The following PTBP3 variants were observed in gnomAD, a reference collection of about 807,000 sequenced individuals.
PTBP3 encodes polypyrimidine tract binding protein 3, also known as polypyrimidine tract-binding protein 3.
PTBP3 carries 20 observed loss-of-function variants against 58.7 expected under a neutral mutation model. That is an observed-to-expected ratio of 0.34 (90% CI 0.24 to 0.50). The LOEUF (loss-of-function observed/expected upper bound fraction) is 0.50, where lower values mean the gene tolerates loss of function less well. Among genes scored for constraint, PTBP3 ranks in the 20% least tolerant of loss-of-function variants. The pLI is 0.98. For missense variants in PTBP3, 509 were observed against 637.2 expected (o/e 0.80, Z 2.17); for synonymous variants, 185 against 219.8 (o/e 0.84, Z 1.40).
chr9:112,375,125 G>A, the PTBP3 span, among the ~76,000 whole-genome samples: 1 of 152,176 alleles, frequency 6.6e-6, no homozygotes, highest in Non-Finnish European at 1.5e-5. Context: ...CACAGAACGA[G>A]TCATCCTATC....
intron 2 of PTBP3, among the ~76,000 whole-genome samples, chr9:112,290,699 T>TACACACACACACAC (rs1221818154): frequency 0.016 from 1,060 of 64,404 alleles, 11 homozygotes; most frequent in East Asian, 0.026. Context: ...TATATATATA[T>TACACACACACACAC]ATATATATAC....
At chr9:112,262,061 A>T (rs1836619904) in intron 5 of PTBP3, among the ~76,000 whole-genome samples, 1 of 152,160 alleles carries the variant, frequency 6.6e-6, no homozygotes, top group African/African-American at 2.4e-5. Flanking sequence ...TCCCTTTAGA[A>T]TTTTTAAATC....
At position 112,268,151 on chromosome 9, in the gene PTBP3, C is replaced by T. The variant is rs1827184283; in HGVS notation, c.249G>A (p.Val83=). The change falls in exon 4 of 14, where the codon GTG becomes GTA. Residue 83 remains valine, a synonymous_variant. Transcript: ENST00000374257. ...MASEEAAVTM[V]NYYTPITPHL... ...GAGGAGTAATAGGAGTGTAATAATT[C>T]ACCATAGTAACGGCAGCTTCCTCAG... The T allele has an allele frequency of 8.7e-6, 14 of 1,612,928 alleles. No homozygotes were observed. Among genetic ancestry groups the T allele is most frequent in the Admixed American group, 5.0e-5 (3 of 59,678 alleles).
the PTBP3 span, among the ~76,000 whole-genome samples, chr9:112,357,668 A>G: frequency 1.3e-5 from 2 of 151,978 alleles, no homozygotes; most frequent in Admixed American, 1.3e-4. Context: ...TGTTCTTTAT[A>G]GCAATTTTTT....
chr9:112,323,104 TA>T (rs1176156614), intron 1 of PTBP3, among the ~76,000 whole-genome samples: 1 of 152,176 alleles, frequency 6.6e-6, no homozygotes, highest in East Asian at 1.9e-4. Context: ...TGTTTAAAAT[TA>T]GCCGGGCATG....
intron 2 of PTBP3, among the ~76,000 whole-genome samples, chr9:112,291,638 T>G (rs1024323838): frequency 6.6e-6 from 1 of 152,192 alleles, no homozygotes; most frequent in Non-Finnish European, 1.5e-5. Context: ...CTTCAACATA[T>G]GGTGCTGGTA....
intron 1 of PTBP3, among the ~76,000 whole-genome samples, chr9:112,327,783 T>C (rs1455466807): frequency 1.4e-5 from 2 of 139,618 alleles, no homozygotes; most frequent in Admixed American, 7.1e-5. Flanking sequence ...CTCACCATAG[T>C]ATATGACTAA....
At chr9:112,273,298 T>G (rs1827467399) in intron 3 of PTBP3, among the ~76,000 whole-genome samples, 1 of 152,252 alleles carries the variant, frequency 6.6e-6, no homozygotes, top group Non-Finnish European at 1.5e-5. Context: ...TTGAAGCCAT[T>G]ATCCACTTGT....
chr9:112,276,513 AAT>A (rs1827617523), intron 2 of PTBP3, among the ~76,000 whole-genome samples: 1 of 152,034 alleles, frequency 6.6e-6, no homozygotes, highest in African/African-American at 2.4e-5. Context: ...CTTGGGTGCT[AAT>A]AGTCTTTATT....
At chr9:112,367,420 TTTTTTG>T in the PTBP3 span, among the ~76,000 whole-genome samples, 9 of 152,272 alleles carry the variant, frequency 5.9e-5, no homozygotes, top group South Asian at 1.9e-3. Context: ...TCCCACAGGT[TTTTTTG>T]TTTGTGTTTT....
chr9:112,309,234 G>T (rs1210813078), intron 1 of PTBP3, among the ~76,000 whole-genome samples: 1 of 151,620 alleles, frequency 6.6e-6, no homozygotes, highest in East Asian at 1.9e-4. Context: ...CTTAAATACT[G>T]AAATATCCAA....
In PTBP3 at chr9:112,262,973, C is replaced by T. The variant is rs186396234; in HGVS notation, c.352-374G>A. ...CCCAAACAAGGGTAGTCAAGACAAA[C>T]TTCTAAATATTCTCCACTAAAAGAG... On this transcript the variant is annotated intron_variant, in intron 4 of 13. Transcript: ENST00000374257. Among the ~76,000 whole-genome samples, 1,059 of 152,254 alleles carry T rather than the reference C, an allele frequency of 7.0e-3. 15 individuals carry two copies. The highest frequency in any genetic ancestry group is 0.011 in the Non-Finnish European group (735 of 68,012).
chr9:112,234,217 AAAT>A (rs1835359220), intron 8 of PTBP3, among the ~76,000 whole-genome samples: 2 of 152,218 alleles, frequency 1.3e-5, no homozygotes, highest in South Asian at 2.1e-4. Flanking sequence ...ACTGTTTTGA[AAAT>A]AATGGGAATC....
chr9:112,255,592 T>C (rs1010417962), intron 5 of PTBP3, among the ~76,000 whole-genome samples: 2 of 152,186 alleles, frequency 1.3e-5, no homozygotes, highest in African/African-American at 4.8e-5. Flanking sequence ...TTTCCCGTAC[T>C]GAAAATCCTT....
intron 1 of PTBP3, among the ~76,000 whole-genome samples, chr9:112,300,782 C>T (rs916331289): frequency 6.6e-6 from 1 of 151,252 alleles, no homozygotes; most frequent in Non-Finnish European, 1.5e-5. Context: ...AAAGAATACA[C>T]GCTATATTGT....
In PTBP3 at chr9:112,253,139, C is replaced by T. The variant is rs1836199804; in HGVS notation, c.517-351G>A. Reference sequence around the variant, plus strand: ...ATTTCACCCTGTGAAGAATCATCTACTTTTTGAGATTTCTGTAGCCACTAG... The same window carrying T: ...ATTTCACCCTGTGAAGAATCATCTATTTTTTGAGATTTCTGTAGCCACTAG... On this transcript the variant is annotated intron_variant, in intron 5 of 13. Coordinates refer to ENST00000374257, the MANE Select transcript of PTBP3 (RefSeq NM_001163788.4). Among the ~76,000 whole-genome samples, 3 of 152,282 alleles carry T rather than the reference C, an allele frequency of 2.0e-5. No homozygotes were observed. In the South Asian group the frequency reaches 6.2e-4, roughly 32 times the overall value.
At chr9:112,242,848 C>T (rs1404132555) in intron 7 of PTBP3, 1 of 152,212 alleles carries the variant, frequency 6.6e-6, no homozygotes, top group Non-Finnish European at 1.5e-5. Context: ...ACAAATTTTA[C>T]ATACAGGACT....
At chr9:112,264,348 C>T (rs984002552) in intron 4 of PTBP3, among the ~76,000 whole-genome samples, 1 of 152,152 alleles carries the variant, frequency 6.6e-6, no homozygotes, top group Non-Finnish European at 1.5e-5. Flanking sequence ...TCAAGAAAAG[C>T]TGCATACAAT....
rs192727725 is a variant in PTBP3, at chr9:112,227,981, A to C, written c.1148-354T>G. 4.1e-4 allele frequency among the ~76,000 whole-genome samples: 63 copies of C among 152,346 alleles called. 1 individual carries two copies. The highest frequency in any genetic ancestry group is 7.7e-4 in the East Asian group (4 of 5,190). ...TTTTGAGTAATACTTTACAGCTTTT[A>C]TAACAGTGAAGCCATGAACCCTTTC... On this transcript the variant is annotated intron_variant, in intron 11 of 13. Coordinates refer to ENST00000374257, the MANE Select transcript of PTBP3 (RefSeq NM_001163788.4).
Sources: allele counts gnomAD v4.1 joint callset (sites outside exome capture counted in the v4.1 genomes callset), GRCh38; gene constraint gnomAD v4.1.1; transcripts MANE v1.5; gene names NCBI Gene and HGNC (gene_info 2026-07-23, HGNC 2026-07-21).